Variants in JAKMIP3 observed in about 807,000 individuals in gnomAD.
JAKMIP3 encodes janus kinase and microtubule-interacting protein 3.
Under a neutral mutation model 118.5 loss-of-function variants are expected in JAKMIP3, and 58 were observed. That is an observed-to-expected ratio of 0.49 (90% CI 0.40 to 0.61). JAKMIP3 has a LOEUF of 0.61. Among genes scored for constraint, JAKMIP3 ranks in the 20% least tolerant of loss-of-function variants. The probability of loss-of-function intolerance (pLI) is 0.00; values close to 1 mark genes in which losing one functional copy is unlikely to be tolerated. For synonymous variants in JAKMIP3, 486 were observed against 451.2 expected, an observed-to-expected ratio of 1.08 and a Z score of -0.98; for missense variants, 950 against 1,109.0, an observed-to-expected ratio of 0.86 and a Z score of 2.04.
At chr10:132,131,641 C>T (rs899329155) in intron 3 of JAKMIP3, among the ~76,000 whole-genome samples, 21 of 151,938 alleles carry the variant, frequency 1.4e-4, no homozygotes, top group Non-Finnish European at 2.5e-4. Context: ...GGACACAGGG[C>T]GGCCGTTTGG....
In JAKMIP3 at chr10:132,078,732, G is replaced by C. The variant is rs1427506238; in HGVS notation, c.-138+12671G>C. On this transcript the variant is annotated intron_variant, in intron 1 of 23. Transcript: ENST00000684848. ...GGGTAAAACTGCATTATTTGGACTAGAGAATTGTTTTTCTGTTTGAAACAA... is the reference window on the plus strand; with the variant it reads ...GGGTAAAACTGCATTATTTGGACTACAGAATTGTTTTTCTGTTTGAAACAA... Among the ~76,000 whole-genome samples, 4 of 152,166 alleles carry C rather than the reference G, an allele frequency of 2.6e-5. No individual in the cohort carries two copies. The South Asian group carries it at 6.2e-4, about 24-fold the overall frequency.
intron 23 of JAKMIP3, among the ~76,000 whole-genome samples, chr10:132,180,602 C>T (rs80096079): frequency 0.26 from 3,120 of 11,976 alleles, 846 homozygotes; most frequent in East Asian, 0.68. Context: ...TGTGTGCGTG[C>T]GCGTGTGTGT....
At chr10:132,138,214 G>GGGTGTGTGCGGAGAGGACCACGC (rs1564945260) in intron 9 of JAKMIP3, 36 bp downstream of exon 9, 1 of 1,568,568 alleles carries the variant, frequency 6.4e-7, no homozygotes, top group African/African-American at 1.4e-5. Context: ...CGGAGAGTAC[G>GGGTGTGTGCGGAGAGGACCACGC]CCGGGTGTGT....
At position 132,179,818 on chromosome 10, in the gene JAKMIP3, G is replaced by C. The variant is rs2060551171; in HGVS notation, c.*1104-2539G>C. Among the ~76,000 whole-genome samples the C allele has an allele frequency of 6.6e-6, 1 of 150,548 alleles. No homozygotes were observed. Among genetic ancestry groups the C allele is most frequent in the African/African-American group, 2.5e-5 (1 of 39,910 alleles). On this transcript the variant is annotated intron_variant, in intron 23 of 23. Coordinates refer to ENST00000684848, the MANE Select transcript of JAKMIP3 (RefSeq NM_001323087.2). The surrounding 1 kb of genome is among the most constrained non-coding windows in gnomAD (Gnocchi z 4.3). Reference sequence around the variant, plus strand: ...CATTATCGCAGCCCTATAATCGGGAGGCATGGCTGGATCTGCAAGGGAAGA... The same window carrying C: ...CATTATCGCAGCCCTATAATCGGGACGCATGGCTGGATCTGCAAGGGAAGA...
At chr10:132,071,507 C>G (rs1164004293) in intron 1 of JAKMIP3, among the ~76,000 whole-genome samples, 3 of 152,282 alleles carry the variant, frequency 2.0e-5, no homozygotes, top group South Asian at 2.1e-4. Context: ...AGTGAATATC[C>G]TTACCAATTT....
Position 132,135,975 on chromosome 10 carries a change from G to GA in JAKMIP3, c.1016dup (p.Asp339GlufsTer2). 1 of 1,612,480 alleles carries GA rather than the reference G, an allele frequency of 6.2e-7. No homozygotes were observed. The highest frequency in any genetic ancestry group is 8.5e-7 in the Non-Finnish European group (1 of 1,179,238). On this transcript the variant is annotated frameshift_variant, in exon 6 of 24. Transcript: ENST00000684848. ...TGAGAGTCAGTACAAGCCTCTGCTGGATAAAAACAAGCGCCTCAGTCGGAA... is the reference window on the plus strand; with the variant it reads ...TGAGAGTCAGTACAAGCCTCTGCTGGAATAAAAACAAGCGCCTCAGTCGGAA...
chr10:132,111,905 C>T (rs374771098), intron 2 of JAKMIP3, among the ~76,000 whole-genome samples: 3 of 152,044 alleles, frequency 2.0e-5, no homozygotes, highest in African/African-American at 7.3e-5. Flanking sequence ...CTGAGGGTGG[C>T]AGCCGTGGAG....
At chr10:132,101,468 CA>C (rs756626385) in intron 1 of JAKMIP3, among the ~76,000 whole-genome samples, 6 of 152,228 alleles carry the variant, frequency 3.9e-5, no homozygotes, top group Non-Finnish European at 8.8e-5. Flanking sequence ...TATTAGCAAC[CA>C]TGACCCTTTA....
At chr10:132,131,677 A>G (rs1297073537) in intron 3 of JAKMIP3, among the ~76,000 whole-genome samples, 1 of 152,046 alleles carries the variant, frequency 6.6e-6, no homozygotes, top group Non-Finnish European at 1.5e-5. Flanking sequence ...TCCCAGTGGA[A>G]GATGCTGGCA....
At chr10:132,080,252 T>C (rs1320978000) in intron 1 of JAKMIP3, among the ~76,000 whole-genome samples, 1 of 152,210 alleles carries the variant, frequency 6.6e-6, no homozygotes, top group Non-Finnish European at 1.5e-5. Flanking sequence ...GCCGACAGTG[T>C]ACCAGGCTTC....
chr10:132,176,131 C>T (rs535021462), intron 23 of JAKMIP3, among the ~76,000 whole-genome samples: 12 of 152,322 alleles, frequency 7.9e-5, no homozygotes, highest in African/African-American at 2.6e-4. Flanking sequence ...GATCTGCCCC[C>T]CAGCACCTGC....
intron 19 of JAKMIP3, among the ~76,000 whole-genome samples, chr10:132,160,424 A>G (rs867301301): frequency 3.5e-4 from 6 of 17,266 alleles, no homozygotes; most frequent in Non-Finnish European, 4.9e-4. Context: ...GATGCTGGGG[A>G]GCCTCTTCCT....
At chr10:132,178,365 GGGA>G (rs2060384550) in intron 23 of JAKMIP3, among the ~76,000 whole-genome samples, 1 of 152,236 alleles carries the variant, frequency 6.6e-6, no homozygotes, top group African/African-American at 2.4e-5. Flanking sequence ...AGGAGGAAGA[GGGA>G]GGAGGAGGCA....
chr10:132,134,026 G>A (rs1334320183), intron 4 of JAKMIP3, among the ~76,000 whole-genome samples: 1 of 152,248 alleles, frequency 6.6e-6, no homozygotes, highest in Non-Finnish European at 1.5e-5. Flanking sequence ...CTTCTCATGT[G>A]ATCATGCCAC....
At chr10:132,097,958 T>TCCTTTC (rs1564893010) in intron 1 of JAKMIP3, among the ~76,000 whole-genome samples, 1 of 51,904 alleles carries the variant, frequency 1.9e-5, no homozygotes, top group South Asian at 1.2e-3. Context: ...CCATCCCCTT[T>TCCTTTC]CCCTTTCCTT....
intron 19 of JAKMIP3, among the ~76,000 whole-genome samples, chr10:132,156,258 A>G (rs528112835): frequency 6.6e-6 from 1 of 152,114 alleles, no homozygotes; most frequent in East Asian, 1.9e-4. Flanking sequence ...TCTGCTCTCC[A>G]GCCTCCTCGT....
At chr10:132,054,643 A>G (rs2038189121) in intron 1 of JAKMIP3, among the ~76,000 whole-genome samples, 1 of 152,226 alleles carries the variant, frequency 6.6e-6, no homozygotes, top group African/African-American at 2.4e-5. Flanking sequence ...GATTAGTGCC[A>G]TAGATTAAGG....
intron 9 of JAKMIP3, 38 bp downstream of exon 9, chr10:132,138,216 C>T (rs377289912): frequency 1.6e-4 from 246 of 1,549,992 alleles, no homozygotes; most frequent in Non-Finnish European, 1.9e-4. Context: ...GAGAGTACGC[C>T]GGGTGTGTGC....
In JAKMIP3 at chr10:132,140,481, G is replaced by A. The variant is rs368231959; in HGVS notation, c.1375G>A (p.Asp459Asn). The A allele has an allele frequency of 9.5e-5, 154 of 1,613,764 alleles. 2 individuals are homozygous for A. The highest frequency in any genetic ancestry group is 1.6e-5 in the Non-Finnish European group (19 of 1,179,868). ...PVVVETFFGY[D>N]EEASLESDGS... ...GGTTGTGGAGACCTTCTTTGGATAC[G>A]ACGAAGAGGCTTCCCTGGAATCCGA... The change falls in exon 10 of 24, where the codon GAC (aspartate) becomes AAC (asparagine). Residue 459 changes from aspartate to asparagine, a missense_variant. Asp to Asn is a conservative substitution (Grantham distance 23). Coordinates refer to ENST00000684848, the MANE Select transcript of JAKMIP3 (RefSeq NM_001323087.2).
Sources: gnomAD v4.1 joint callset for allele counts (sites outside exome capture counted in the v4.1 genomes callset) on GRCh38, gnomAD v4.1.1 for gene constraint, Gnocchi (gnomAD v3.1) non-coding constraint, MANE v1.5 for transcripts, NCBI Gene and HGNC (gene_info 2026-07-23, HGNC 2026-07-21) for gene names.